GRM8: variants seen among roughly 807,000 people sequenced by gnomAD.
The protein encoded by GRM8 is metabotropic glutamate receptor 8.
A neutral mutation model predicts 87.2 loss-of-function variants in GRM8; 47 were observed. The observed-to-expected ratio is 0.54, with a 90% CI of 0.43 to 0.69. The LOEUF (loss-of-function observed/expected upper bound fraction) is 0.69. GRM8 is among the 30% of genes least tolerant of loss of function. The pLI, the probability that GRM8 is intolerant of heterozygous loss-of-function variation, is 0.00. For synonymous variants in GRM8, 396 were observed against 404.5 expected (o/e 0.98, Z 0.25); for missense variants, 1,019 against 1,139.2 (o/e 0.89, Z 1.52).
chr7:127,034,063 T>C (rs1017777051), intron 3 of GRM8, among the ~76,000 whole-genome samples: 2 of 152,218 alleles, frequency 1.3e-5, no homozygotes, highest in Admixed American at 6.5e-5. Flanking sequence ...GTTTATCAAA[T>C]TGGGGAAGGA....
intron 7 of GRM8, among the ~76,000 whole-genome samples, chr7:126,704,723 A>G (rs57750116): frequency 0.046 from 6,959 of 152,164 alleles, 566 homozygotes; most frequent in African/African-American, 0.16. Flanking sequence ...CTCCCATAGC[A>G]CTCCCAGGCT....
At chr7:126,455,030 G>A (rs1476762346) in intron 9 of GRM8, among the ~76,000 whole-genome samples, 3 of 151,678 alleles carry the variant, frequency 2.0e-5, no homozygotes, top group African/African-American at 7.3e-5. Context: ...GAATCTCAAA[G>A]ATGTCTGATA....
rs1231113996 is a variant in GRM8 at position 127,015,225 on chromosome 7, AG to A, written c.727+91270del. 3.5e-4 allele frequency among the ~76,000 whole-genome samples: 49 copies of A among 139,688 alleles called. 1 individual carries two copies. The highest frequency in any genetic ancestry group is 1.2e-3 in the Admixed American group (16 of 13,636). The allele number at this position is 139,688 out of a possible 152,430, so 91.6% of individuals were successfully genotyped here. A position where few individuals can be genotyped will look rare whatever the true frequency, so the allele number is the denominator to read the frequency against. On this transcript the variant is annotated intron_variant, in intron 3 of 10. Coordinates refer to ENST00000339582, the MANE Select transcript of GRM8 (RefSeq NM_000845.3). ...AAGAAGAAGAAGAAGAAGAAGAAGA[AG>A]AAGAAGAAGAAGAAGAAGAAGAAGA...
chr7:126,624,316 G>T (rs1420133129), intron 7 of GRM8, among the ~76,000 whole-genome samples: 2 of 152,140 alleles, frequency 1.3e-5, no homozygotes, highest in Non-Finnish European at 2.9e-5. Flanking sequence ...GCAAGCACAT[G>T]AAGGTTGCTC....
chr7:126,656,307 C>T (rs1451685269), intron 7 of GRM8, among the ~76,000 whole-genome samples: 1 of 152,092 alleles, frequency 6.6e-6, no homozygotes, highest in Non-Finnish European at 1.5e-5. Context: ...CCTTGACGGC[C>T]TGGGGCATCT....
At chr7:127,091,665 C>T (rs1824108129) in intron 3 of GRM8, among the ~76,000 whole-genome samples, 1 of 139,486 alleles carries the variant, frequency 7.2e-6, no homozygotes, top group African/African-American at 2.7e-5. Flanking sequence ...CCCACCATCC[C>T]ACTGATCATC....
At chr7:126,941,619 C>CAAAAAAAA (rs548231122) in intron 3 of GRM8, among the ~76,000 whole-genome samples, 1 of 108,032 alleles carries the variant, frequency 9.3e-6, no homozygotes. Flanking sequence ...GACTCTGTCT[C>CAAAAAAAA]AAAAAAAAAA....
intron 9 of GRM8, among the ~76,000 whole-genome samples, chr7:126,521,159 T>C (rs1338106002): frequency 6.6e-6 from 1 of 152,162 alleles, no homozygotes; most frequent in Non-Finnish European, 1.5e-5. Context: ...TCTGAGAACA[T>C]GAAATCTTCT....
chr7:126,780,128 A>G (rs1819902051), intron 6 of GRM8, among the ~76,000 whole-genome samples: 1 of 152,238 alleles, frequency 6.6e-6, no homozygotes, highest in Non-Finnish European at 1.5e-5. Context: ...AACTCAGTAT[A>G]TATTCATATA....
At chr7:126,544,526 TTTGAGACAGAGTCTCACTCTG>T (rs778817923) in intron 8 of GRM8, among the ~76,000 whole-genome samples, 34 of 152,066 alleles carry the variant, frequency 2.2e-4, no homozygotes, top group Non-Finnish European at 7.4e-5. Context: ...TTATTATTAT[TTTGAGACAGAGTCTCACTCTG>T]TTGCCCAGGC....
At chr7:127,185,091 G>A (rs1005107810) in intron 2 of GRM8, among the ~76,000 whole-genome samples, 2 of 152,030 alleles carry the variant, frequency 1.3e-5, no homozygotes, top group African/African-American at 4.8e-5. Flanking sequence ...ATCCCAGCAA[G>A]CTATTTTATA....
At chr7:126,931,253 T>C (rs1805733077) in intron 3 of GRM8, among the ~76,000 whole-genome samples, 1 of 152,180 alleles carries the variant, frequency 6.6e-6, no homozygotes, top group African/African-American at 2.4e-5. Context: ...CAAGAATATA[T>C]TTTATTCTCT....
intron 2 of GRM8, among the ~76,000 whole-genome samples, chr7:127,219,296 A>C (rs1796768960): frequency 6.6e-6 from 1 of 152,224 alleles, no homozygotes; most frequent in Admixed American, 6.5e-5. Flanking sequence ...AGCAATAGTT[A>C]CCTCAAGATA....
intron 3 of GRM8, among the ~76,000 whole-genome samples, chr7:126,953,555 A>G (rs144621010): frequency 2.6e-5 from 4 of 152,012 alleles, no homozygotes; most frequent in African/African-American, 9.6e-5. Context: ...TGTTGCATTT[A>G]TTTGCTTTCA....
rs513 is a variant in GRM8 at position 126,456,519 on chromosome 7, T to TAAAAAAAAA, written c.2431-10156_2431-10148dup. 7.1e-3 allele frequency among the ~76,000 whole-genome samples: 495 copies of TAAAAAAAAA among 69,568 alleles called. 22 individuals are homozygous for TAAAAAAAAA. Among genetic ancestry groups the TAAAAAAAAA allele is most frequent in the African/African-American group, 9.5e-3 (114 of 12,034 alleles). The allele number at this position is 69,568 out of a possible 152,430, so 45.6% of individuals were successfully genotyped here. A position where few individuals can be genotyped will look rare whatever the true frequency, so the allele number is the denominator to read the frequency against. On this transcript the variant is annotated intron_variant, in intron 9 of 10. Coordinates refer to ENST00000339582, the MANE Select transcript of GRM8 (RefSeq NM_000845.3). ...TCCTAAGTGTAAGAAAGCAGCAAGC[T>TAAAAAAAAA]AAAAAAAAAAAAAAAAAAAAAAAAA...
In GRM8 at chr7:126,963,388, A is replaced by G. The variant is rs183968111; in HGVS notation, c.728-58705T>C. Among the ~76,000 whole-genome samples the G allele has an allele frequency of 6.4e-3, 971 of 152,208 alleles. 8 individuals carry two copies. Among genetic ancestry groups the G allele is most frequent in the Admixed American group, 0.023 (351 of 15,278 alleles). ...ATCTGAATTATTTTAAATATACATAACTAGAAAGAGATGACATGATTATAT... is the reference window on the plus strand; with the variant it reads ...ATCTGAATTATTTTAAATATACATAGCTAGAAAGAGATGACATGATTATAT... On this transcript the variant is annotated intron_variant, in intron 3 of 10. Coordinates refer to ENST00000339582, the MANE Select transcript of GRM8 (RefSeq NM_000845.3).
intron 8 of GRM8, among the ~76,000 whole-genome samples, chr7:126,604,530 TG>T (rs2151085901): frequency 6.6e-6 from 1 of 152,290 alleles, no homozygotes; most frequent in South Asian, 2.1e-4. Flanking sequence ...ATACTTAATA[TG>T]TACCAGTCAA....
intron 6 of GRM8, among the ~76,000 whole-genome samples, chr7:126,797,139 C>T (rs1438880645): frequency 6.6e-6 from 1 of 152,024 alleles, no homozygotes; most frequent in Non-Finnish European, 1.5e-5. Flanking sequence ...CTATCCCCAC[C>T]CTATGAGTTA....
chr7:126,743,913 GA>G (rs1035549768), intron 7 of GRM8, among the ~76,000 whole-genome samples: 3 of 151,556 alleles, frequency 2.0e-5, no homozygotes, highest in Non-Finnish European at 4.4e-5. Context: ...AAAAAAATAA[GA>G]AAAAGAAAAA....
Sources: allele counts gnomAD v4.1 joint callset (sites outside exome capture counted in the v4.1 genomes callset), GRCh38; gene constraint gnomAD v4.1.1; transcripts MANE v1.5; gene names NCBI Gene and HGNC (gene_info 2026-07-23, HGNC 2026-07-21).